GABRG3: variants seen among roughly 807,000 people sequenced by gnomAD.
GABRG3 encodes the protein gamma-aminobutyric acid receptor subunit gamma-3.
In GABRG3, 25 loss-of-function variants were observed where a neutral mutation model predicts 48.8. The observed-to-expected ratio is 0.51, with a 90% confidence interval of 0.37 to 0.72. The LOEUF (loss-of-function observed/expected upper bound fraction) is 0.72. Ranked by LOEUF, GABRG3 falls within the 30% of genes least tolerant of loss-of-function variation. The pLI is 0.00. For synonymous variants in GABRG3, 227 were observed against 217.6 expected (o/e 1.04, Z -0.38); for missense variants, 394 against 577.9 (o/e 0.68, Z 3.26).
chr15:27,180,478 T>C lies in GABRG3; in HGVS notation c.271-146331T>C, dbSNP rs1887894241. 6.6e-6 allele frequency among the ~76,000 whole-genome samples: 1 copy of C among 151,992 alleles called. No homozygotes were observed. Among genetic ancestry groups the C allele is most frequent in the South Asian group, 2.1e-4 (1 of 4,816 alleles). On this transcript the variant is annotated intron_variant, in intron 3 of 9. Transcript: ENST00000615808. This position sits in a 1 kb window ranked among gnomAD's most constrained non-coding sequence, Gnocchi z 4.2. ...CTGCCTACCCTATGCTTGCACTAGA[T>C]TCATCACGAAGCACCGACTGCTGCG...
intron 3 of GABRG3, among the ~76,000 whole-genome samples, chr15:27,140,696 T>C (rs1898087506): frequency 6.6e-6 from 1 of 152,198 alleles, no homozygotes; most frequent in Admixed American, 6.5e-5. Context: ...ATTTTCTTGT[T>C]CTCTGATTGT....
At chr15:27,009,272 G>T (rs1039062561) in intron 2 of GABRG3, among the ~76,000 whole-genome samples, 2 of 152,124 alleles carry the variant, frequency 1.3e-5, no homozygotes, top group African/African-American at 4.8e-5. Context: ...AGGGTGGGTT[G>T]GTCTTGGGAA....
chr15:27,187,412 T>G (rs1940941604), intron 3 of GABRG3, among the ~76,000 whole-genome samples: 1 of 152,168 alleles, frequency 6.6e-6, no homozygotes, highest in Admixed American at 6.5e-5. Flanking sequence ...TCCATATGAA[T>G]TTTAGAATTA....
intron 3 of GABRG3, among the ~76,000 whole-genome samples, chr15:27,061,702 G>GA (rs1198953899): frequency 6.6e-6 from 1 of 151,824 alleles, no homozygotes; most frequent in African/African-American, 2.4e-5. Context: ...CCACCAAAGA[G>GA]AAAAAAAGTC....
chr15:27,235,194 A>AT (rs919617776), intron 3 of GABRG3, among the ~76,000 whole-genome samples: 2 of 152,190 alleles, frequency 1.3e-5, no homozygotes. Context: ...CTCTTTTCAC[A>AT]TTTTTTGTAA....
chr15:27,145,641 C>CTATCTATCTA (rs1445381890), intron 3 of GABRG3, among the ~76,000 whole-genome samples: 1 of 149,570 alleles, frequency 6.7e-6, no homozygotes, highest in African/African-American at 2.5e-5. Flanking sequence ...ATCTATCTAT[C>CTATCTATCTA]TATCTATCTA....
At chr15:27,185,929 T>C (rs1263767935) in intron 3 of GABRG3, among the ~76,000 whole-genome samples, 1 of 152,118 alleles carries the variant, frequency 6.6e-6, no homozygotes, top group Non-Finnish European at 1.5e-5. Context: ...GATTCTATGC[T>C]GTTGAATTTG....
chr15:26,996,413 T>C (rs1192791290), intron 2 of GABRG3, among the ~76,000 whole-genome samples: 1 of 152,066 alleles, frequency 6.6e-6, no homozygotes, highest in Non-Finnish European at 1.5e-5. Flanking sequence ...CATTGTCTTC[T>C]GGCTTCCATC....
chr15:27,400,643 T>A (rs1166834387), intron 5 of GABRG3, among the ~76,000 whole-genome samples: 2 of 152,232 alleles, frequency 1.3e-5, no homozygotes, highest in Non-Finnish European at 2.9e-5. Flanking sequence ...AACCCCATTA[T>A]TCCTCACCAC....
intron 6 of GABRG3, among the ~76,000 whole-genome samples, chr15:27,485,442 T>C (rs1161927609): frequency 6.6e-6 from 1 of 152,016 alleles, no homozygotes; most frequent in Non-Finnish European, 1.5e-5. Flanking sequence ...GGAAAGAGCA[T>C]CACTGAGGTT....
chr15:27,025,398 A>C (rs1192497352), intron 2 of GABRG3, among the ~76,000 whole-genome samples: 1 of 152,214 alleles, frequency 6.6e-6, no homozygotes, highest in Non-Finnish European at 1.5e-5. Context: ...TTGAAGAAAG[A>C]TGCTACCTAA....
intron 9 of GABRG3, among the ~76,000 whole-genome samples, chr15:27,531,718 A>C (rs1891428520): frequency 6.6e-6 from 1 of 152,236 alleles, no homozygotes; most frequent in South Asian, 2.1e-4. Flanking sequence ...TGTAGTGCAC[A>C]CTTCATAGTT....
chr15:27,441,870 A>T (rs752343221), intron 5 of GABRG3, among the ~76,000 whole-genome samples: 10 of 152,148 alleles, frequency 6.6e-5, no homozygotes, highest in Non-Finnish European at 1.2e-4. Context: ...ACTGGATTAA[A>T]CACATTTCAA....
intron 5 of GABRG3, among the ~76,000 whole-genome samples, chr15:27,354,222 A>C (rs953418275): frequency 4.6e-5 from 7 of 152,210 alleles, no homozygotes. Flanking sequence ...CTCTTCACAC[A>C]TAGAAAACTG....
chr15:27,353,884 C>T (rs1177304391), intron 5 of GABRG3, among the ~76,000 whole-genome samples: 4 of 152,194 alleles, frequency 2.6e-5, no homozygotes, highest in African/African-American at 9.6e-5. Context: ...TGTGCATGGT[C>T]TAGTTTCTGT....
chr15:27,159,911 G>A (rs1898534876), intron 3 of GABRG3, among the ~76,000 whole-genome samples: 2 of 152,090 alleles, frequency 1.3e-5, no homozygotes, highest in Non-Finnish European at 2.9e-5. Context: ...TGTTTTGTTG[G>A]CAGCTGTGAT....
chr15:27,007,521 A>G (rs1316335714), intron 2 of GABRG3, among the ~76,000 whole-genome samples: 1 of 152,206 alleles, frequency 6.6e-6, no homozygotes, highest in Non-Finnish European at 1.5e-5. Flanking sequence ...GAACTAATTT[A>G]CATTCCCATC....
chr15:27,248,803 C>CAGAGAGAGAGAG (rs1170812736), intron 3 of GABRG3, among the ~76,000 whole-genome samples: 139 of 110,218 alleles, frequency 1.3e-3, no homozygotes, highest in African/African-American at 5.1e-3. Context: ...CACACACACA[C>CAGAGAGAGAGAG]AGAGAGAGAG....
intron 3 of GABRG3, among the ~76,000 whole-genome samples, chr15:27,256,317 T>C (rs1055313902): frequency 1.3e-5 from 2 of 151,684 alleles, no homozygotes; most frequent in African/African-American, 2.4e-5. Context: ...GGAGGGCGCC[T>C]GTAGGCCCAG....
Sources: allele counts gnomAD v4.1 joint callset (sites outside exome capture counted in the v4.1 genomes callset), GRCh38; gene constraint gnomAD v4.1.1; non-coding constraint Gnocchi (gnomAD v3.1); transcripts MANE v1.5; gene names NCBI Gene and HGNC (gene_info 2026-07-23, HGNC 2026-07-21).